SEMA3A: variants seen among roughly 807,000 people sequenced by gnomAD.
The protein encoded by SEMA3A is semaphorin-3A.
Under a neutral mutation model 97.9 loss-of-function variants are expected in SEMA3A, and 29 were observed. That is an observed-to-expected ratio of 0.30 (90% CI 0.22 to 0.40). The LOEUF (loss-of-function observed/expected upper bound fraction) is 0.40. Among genes scored for constraint, SEMA3A ranks in the 10% least tolerant of loss-of-function variants. The pLI, the probability that SEMA3A is intolerant of heterozygous loss-of-function variation, is 1.00. For synonymous variants in SEMA3A, 321 were observed against 323.7 expected, an observed-to-expected ratio of 0.99 and a Z score of 0.09; for missense variants, 763 against 951.3, an observed-to-expected ratio of 0.80 and a Z score of 2.60.
intron 2 of SEMA3A, among the ~76,000 whole-genome samples, chr7:84,307,527 C>T (rs774410622): frequency 1.3e-5 from 2 of 152,058 alleles, no homozygotes; most frequent in African/African-American, 4.8e-5. Flanking sequence ...AATCACTAAT[C>T]GGATTTGATG....
chr7:83,976,047 G>A (rs1456089930), intron 15 of SEMA3A, among the ~76,000 whole-genome samples: 4 of 152,060 alleles, frequency 2.6e-5, no homozygotes, highest in South Asian at 2.1e-4. Context: ...AAGTGGTTCC[G>A]AAACACTGGC....
intron 3 of SEMA3A, among the ~76,000 whole-genome samples, chr7:84,202,138 G>T (rs899261444): frequency 1.3e-5 from 2 of 151,896 alleles, no homozygotes; most frequent in African/African-American, 4.8e-5. Context: ...AATGATATTT[G>T]ATATTTTTGA....
intron 1 of SEMA3A, among the ~76,000 whole-genome samples, chr7:84,434,237 A>G (rs1343435779): frequency 6.6e-6 from 1 of 151,822 alleles, no homozygotes; most frequent in Non-Finnish European, 1.5e-5. Context: ...GTGTTCATCT[A>G]TGCACACAAA....
intron 3 of SEMA3A, among the ~76,000 whole-genome samples, chr7:84,240,762 C>A (rs894583771): frequency 1.3e-5 from 2 of 152,120 alleles, no homozygotes; most frequent in African/African-American, 4.8e-5. Flanking sequence ...TCTAGCCCAC[C>A]ACCGCCTGAC....
intron 2 of SEMA3A, among the ~76,000 whole-genome samples, chr7:84,361,582 C>T (rs1431253482): frequency 6.6e-6 from 1 of 151,826 alleles, no homozygotes; most frequent in East Asian, 1.9e-4. Flanking sequence ...TAGATGGACA[C>T]CATTAGGGAG....
chr7:84,362,255 T>C (rs1802744368), intron 2 of SEMA3A, among the ~76,000 whole-genome samples: 1 of 151,966 alleles, frequency 6.6e-6, no homozygotes, highest in Admixed American at 6.6e-5. Context: ...AAATTCTTAA[T>C]TTCTCCCAGA....
At chr7:84,108,703 G>A (rs1202664675) in intron 4 of SEMA3A, among the ~76,000 whole-genome samples, 4 of 151,988 alleles carry the variant, frequency 2.6e-5, no homozygotes, top group Admixed American at 6.6e-5. Context: ...CTAGGAGTTC[G>A]AGACCAGCCT....
chr7:84,420,021 G>A (rs1175082994), intron 1 of SEMA3A, among the ~76,000 whole-genome samples: 1 of 152,012 alleles, frequency 6.6e-6, no homozygotes, highest in Non-Finnish European at 1.5e-5. Flanking sequence ...TACAATCTTT[G>A]CAAAAATAAG....
chr7:83,988,379 A>T (rs1008382795), intron 12 of SEMA3A, among the ~76,000 whole-genome samples: 2 of 151,684 alleles, frequency 1.3e-5, no homozygotes, highest in African/African-American at 2.4e-5. Flanking sequence ...GGCGCCCACC[A>T]CCACGACTGG....
intron 2 of SEMA3A, among the ~76,000 whole-genome samples, chr7:84,338,743 A>C (rs1011141596): frequency 6.6e-5 from 10 of 152,172 alleles, no homozygotes; most frequent in African/African-American, 2.4e-4. Flanking sequence ...GACCTTCTTA[A>C]CATTGTTCAT....
At position 84,018,220 on chromosome 7, in the gene SEMA3A, C is replaced by A. The variant is rs530500289; in HGVS notation, c.668-3869G>T. 3.9e-5 allele frequency among the ~76,000 whole-genome samples: 6 copies of A among 152,230 alleles called. No homozygotes were observed. The South Asian group carries it at 1.2e-3, about 32-fold the overall frequency. On this transcript the variant is annotated intron_variant, in intron 6 of 16. Coordinates refer to ENST00000265362, the MANE Select transcript of SEMA3A (RefSeq NM_006080.3). ...AACTCCCTCCTTTTCCTTCCTTCAC[C>A]TCCGAATTTCTCTTCCTTTCAGGGA...
At chr7:84,057,583 G>A (rs1408114642) in intron 5 of SEMA3A, among the ~76,000 whole-genome samples, 1 of 151,880 alleles carries the variant, frequency 6.6e-6, no homozygotes, top group African/African-American at 2.4e-5. Context: ...TGACCAACAT[G>A]GTGAAACCTT....
chr7:84,317,963 A>G (rs1801549393), intron 2 of SEMA3A, among the ~76,000 whole-genome samples: 1 of 152,176 alleles, frequency 6.6e-6, no homozygotes, highest in African/African-American at 2.4e-5. Flanking sequence ...ATGAATAATA[A>G]AATAAGCAAA....
intron 2 of SEMA3A, among the ~76,000 whole-genome samples, chr7:84,318,768 C>T (rs1278600364): frequency 6.6e-6 from 1 of 152,098 alleles, no homozygotes; most frequent in African/African-American, 2.4e-5. Context: ...AATATGCAAT[C>T]CCATCATACC....
intron 3 of SEMA3A, among the ~76,000 whole-genome samples, chr7:84,259,401 TG>T (rs1799792649): frequency 2.0e-5 from 3 of 152,130 alleles, no homozygotes; most frequent in Non-Finnish European, 2.9e-5. Context: ...GAACAGAAAT[TG>T]GTTCCCTAAA....
rs749170227 is a variant in SEMA3A, at chr7:84,014,258, C to T, written c.761G>A (p.Gly254Glu). 2 of 1,613,364 alleles carry T rather than the reference C, an allele frequency of 1.2e-6. No individual in the cohort carries two copies. Among genetic ancestry groups the T allele is most frequent in the South Asian group, 2.2e-5 (2 of 91,068 alleles). Reference protein sequence around the residue: ...YFFFRENAIDGEHSGKATHAR... With the variant: ...YFFFRENAIDEEHSGKATHAR... ...GTGAGTAGCTTTTCCAGAGTGTTCT[C>T]CATCTATTGCATTTTCACGGAAGAA... Residue 254 changes from glycine (G) to glutamate (E), a missense_variant, in exon 7 of 17, where the codon GGA (glycine) becomes GAA (glutamate). Around this residue, in one of 2 missense-constraint regions of SEMA3A, gnomAD observed 678 missense variants for 881.3 expected, o/e 0.77. Coordinates refer to ENST00000265362, the MANE Select transcript of SEMA3A (RefSeq NM_006080.3).
chr7:84,426,198 A>G (rs1478565902), intron 1 of SEMA3A, among the ~76,000 whole-genome samples: 1 of 151,972 alleles, frequency 6.6e-6, no homozygotes, highest in African/African-American at 2.4e-5. Context: ...CATGTAATCA[A>G]GAAACACTTG....
intron 1 of SEMA3A, among the ~76,000 whole-genome samples, chr7:84,474,033 C>T (rs1289476187): frequency 2.0e-5 from 3 of 152,094 alleles, no homozygotes; most frequent in African/African-American, 7.2e-5. Context: ...CAATGGCTTT[C>T]GGTCTCATCT....
chr7:84,430,665 T>C lies in SEMA3A; in HGVS notation c.-245-58765A>G, dbSNP rs148605078. 7.8e-3 allele frequency among the ~76,000 whole-genome samples: 1,184 copies of C among 151,846 alleles called. 6 individuals carry two copies. The highest frequency in any genetic ancestry group is 0.012 in the Admixed American group (182 of 15,212). ...TTGATAATTTAGCAAAAAAGTAGGG[T>C]TCGTGGGATGAATATTTGGGAAACA... is the stretch of plus-strand genomic sequence containing the variant. On this transcript the variant is annotated intron_variant, in intron 1 of 3. Transcript: ENST00000424555.
Sources: gnomAD v4.1 joint callset for allele counts (sites outside exome capture counted in the v4.1 genomes callset) on GRCh38, gnomAD v4.1.1 for gene constraint, gnomAD v4.1.1 regional missense constraint, MANE v1.5 for transcripts, NCBI Gene and HGNC (gene_info 2026-07-23, HGNC 2026-07-21) for gene names.